Variants in TPM4 observed in about 807,000 individuals in gnomAD.
The protein encoded by TPM4 is tropomyosin alpha-4 chain.
In TPM4, 17 loss-of-function variants were observed where a neutral mutation model predicts 35.8. The observed-to-expected ratio is 0.47, with a 90% CI of 0.32 to 0.71. The LOEUF is 0.71. TPM4 is among the 30% of genes least tolerant of loss of function. The pLI, the probability that TPM4 is intolerant of heterozygous loss-of-function variation, is 0.03. For missense variants in TPM4, 240 were observed against 320.9 expected (o/e 0.75, Z 1.93); for synonymous variants, 120 against 122.9 (o/e 0.98, Z 0.15).
At chr19:16,073,293 G>A (rs2090373005), upstream of TPM4, among the ~76,000 whole-genome samples, 1 of 152,206 alleles carries the variant, frequency 6.6e-6, no homozygotes, top group Non-Finnish European at 1.5e-5. Context: ...CCTGTGTTGG[G>A]CACACAGTTG....
At position 16,070,915 on chromosome 19, in the gene TPM4, G is replaced by A. The variant is rs1034425689; in HGVS notation, c.114+3177G>A. ...TGGGCCAGCTTCTAGCCATCATTTA[G>A]CCCTCACCATGAGGGACTTAGCCAG... On this transcript the variant is annotated intron_variant, in intron 2 of 2. Coordinates refer to the TPM4 transcript ENST00000589897. The surrounding 1 kb of genome is among the most constrained non-coding windows in gnomAD (Gnocchi z 7.4). 2.0e-5 allele frequency among the ~76,000 whole-genome samples: 3 copies of A among 152,336 alleles called. No individual in the cohort carries two copies. The highest frequency in any genetic ancestry group is 4.4e-5 in the Non-Finnish European group (3 of 68,030).
At chr19:16,073,303 G>A (rs1194345706), upstream of TPM4, among the ~76,000 whole-genome samples, 4 of 152,170 alleles carry the variant, frequency 2.6e-5, no homozygotes, top group Admixed American at 6.5e-5. Context: ...GCACACAGTT[G>A]GCACCCAATA....
chr19:16,071,318 T>C (rs1394563370), intron 2 of TPM4, among the ~76,000 whole-genome samples: 7 of 152,096 alleles, frequency 4.6e-5, no homozygotes, highest in African/African-American at 1.4e-4. Context: ...CACCTCAGCC[T>C]CCCCAGTGGA....
At chr19:16,071,906 G>A (rs973746826), upstream of TPM4, among the ~76,000 whole-genome samples, 2 of 152,172 alleles carry the variant, frequency 1.3e-5, no homozygotes, top group Non-Finnish European at 2.9e-5. Context: ...CCATTTGCAG[G>A]GACTAAGGTA....
chr19:16,088,147 A>T, intron 4 of TPM4, 50 bp downstream of exon 4: 4 of 1,576,976 alleles, frequency 2.5e-6, no homozygotes, highest in Non-Finnish European at 3.4e-6. Context: ...CCTGGGGCGG[A>T]GTGGGAAGGA....
Position 16,101,296 on chromosome 19 carries a change from G to C in TPM4, c.697G>C (p.Gly233Arg), listed in dbSNP as rs746954063. ...TGCCCAGGCCAAAGAAGAGAACGTG[G>C]GCTTACATCAGACACTGGATCAGAC... is the stretch of plus-strand genomic sequence containing the variant. ...KLAQAKEENV[G>R]LHQTLDQTLN... is the part of the protein sequence containing the mutation. The change falls in exon 8 of 8, where the codon GGC becomes CGC. Residue 233 changes from glycine to arginine, a missense_variant. Coordinates refer to ENST00000643579, the MANE Select transcript of TPM4 (RefSeq NM_003290.3). 1 of 1,608,850 alleles carries C rather than the reference G, an allele frequency of 6.2e-7. No homozygotes were observed. The highest frequency in any genetic ancestry group is 8.5e-7 in the Non-Finnish European group (1 of 1,177,588).
chr19:16,073,784 C>A (rs1312081644), upstream of TPM4, among the ~76,000 whole-genome samples: 3 of 151,902 alleles, frequency 2.0e-5, no homozygotes, highest in East Asian at 5.8e-4. Flanking sequence ...CCAGCTGACA[C>A]CCAGCAGGCC....
rs1185481197 is a variant in TPM4 at position 16,083,010 on chromosome 19, AAAAAG to A, written c.266+965_266+969del. Among the ~76,000 whole-genome samples, 414 of 150,940 alleles carry A rather than the reference AAAAAG, an allele frequency of 2.7e-3. 2 individuals carry two copies. Among genetic ancestry groups the A allele is most frequent in the Non-Finnish European group, 5.1e-3 (346 of 67,734 alleles). On this transcript the variant is annotated intron_variant, in intron 2 of 7. Transcript: ENST00000643579. ...TGTCTCAAAAAAAAAAAAAAAAAAA[AAAAAG>A]CAGAGTACTGTGGAGAGGAGGAAAG...
intron 3 of TPM4, among the ~76,000 whole-genome samples, chr19:16,087,289 TA>T (rs1166698845): frequency 6.6e-6 from 1 of 151,460 alleles, no homozygotes; most frequent in African/African-American, 2.4e-5. Context: ...GTCAAAAACA[TA>T]AAAGGGCTGG....
At chr19:16,098,854 C>T (rs918072740) in intron 7 of TPM4, among the ~76,000 whole-genome samples, 1 of 151,940 alleles carries the variant, frequency 6.6e-6, no homozygotes, top group Non-Finnish European at 1.5e-5. Context: ...ATTTAAAATC[C>T]TAGCTCTACT....
In TPM4 at chr19:16,067,753, G is replaced by A. The variant is rs1047103597; in HGVS notation, c.114+15G>A. On this transcript the variant is annotated intron_variant, in intron 2 of 2. Coordinates refer to the TPM4 transcript ENST00000589897. This position sits in a 1 kb window ranked among gnomAD's most constrained non-coding sequence, Gnocchi z 4.1. Reference sequence around the variant, plus strand: ...AGTGCAAGCAGGTGAGGTGCCCTCCGCTGGGCCGCTCCGGGCTGCTGGGAG... The same window carrying A: ...AGTGCAAGCAGGTGAGGTGCCCTCCACTGGGCCGCTCCGGGCTGCTGGGAG... 2.5e-6 allele frequency: 4 copies of A among 1,607,948 alleles called. No homozygotes were observed. The highest frequency in any genetic ancestry group is 3.4e-6 in the Non-Finnish European group (4 of 1,178,168).
At chr19:16,078,278 C>G in intron 1 of TPM4, 2 of 395,470 alleles carry the variant, frequency 5.1e-6, no homozygotes, top group Non-Finnish European at 8.9e-6. Flanking sequence ...TGCACAGACT[C>G]AGAGGCAAGA....
chr19:16,089,342 C>T (rs577366275), intron 5 of TPM4, among the ~76,000 whole-genome samples: 79 of 152,268 alleles, frequency 5.2e-4, no homozygotes, highest in African/African-American at 1.9e-3. Context: ...TGATCTCCAT[C>T]TCAGGAGGAT....
intron 7 of TPM4, 78 bp downstream of exon 7, chr19:16,093,831 T>G: frequency 6.5e-7 from 1 of 1,536,738 alleles, no homozygotes. Context: ...TGGGGAATGT[T>G]TGTGGAGGGG....
intron 7 of TPM4, chr19:16,099,912 C>A (rs961371129): frequency 6.6e-6 from 1 of 152,142 alleles, no homozygotes; most frequent in Admixed American, 6.6e-5. Context: ...CTCCTGGATT[C>A]ATAGACAGTT....
intron 5 of TPM4, among the ~76,000 whole-genome samples, chr19:16,089,756 A>G (rs573535556): frequency 6.8e-6 from 1 of 147,448 alleles, no homozygotes; most frequent in African/African-American, 2.5e-5. Context: ...GCAGCCTTGA[A>G]CTCCCAGGCT....
At chr19:16,075,367 A>G (rs1285389157), upstream of TPM4, 1 of 152,204 alleles carries the variant, frequency 6.6e-6, no homozygotes, top group East Asian at 1.9e-4. Flanking sequence ...ATTAAAATGA[A>G]CATGGCCTAT....
intron 2 of TPM4, among the ~76,000 whole-genome samples, chr19:16,084,411 C>T (rs1341429299): frequency 1.3e-5 from 2 of 152,172 alleles, no homozygotes; most frequent in Non-Finnish European, 2.9e-5. Context: ...CCGGCAGCCA[C>T]GGGGCAGTGG....
upstream of TPM4, chr19:16,076,484 G>C: frequency 3.0e-6 from 4 of 1,328,620 alleles, no homozygotes; most frequent in Non-Finnish European, 3.8e-6. Context: ...TTGGGGGGCC[G>C]GGGCGCGGCT....
Sources: allele counts gnomAD v4.1 joint callset (sites outside exome capture counted in the v4.1 genomes callset), GRCh38; gene constraint gnomAD v4.1.1; non-coding constraint Gnocchi (gnomAD v3.1); transcripts MANE v1.5; gene names NCBI Gene and HGNC (gene_info 2026-07-23, HGNC 2026-07-21).